Variants in MAGI1 observed in about 807,000 individuals in gnomAD.
The protein encoded by MAGI1 is membrane-associated guanylate kinase, WW and PDZ domain-containing protein 1.
In MAGI1, 58 loss-of-function variants were observed where a neutral mutation model predicts 139.9. The ratio of observed to expected loss-of-function variants is 0.41; its 90% confidence interval spans 0.34 to 0.52. MAGI1 has a LOEUF of 0.52. Ranked by LOEUF, MAGI1 falls within the 20% of genes least tolerant of loss-of-function variation. The pLI is 0.12. For missense variants in MAGI1, 1,874 were observed against 1,901.6 expected (o/e 0.99, Z 0.27); for synonymous variants, 812 against 737.9 (o/e 1.10, Z -1.63).
chr3:65,491,262 C>A (rs751271022), intron 3 of MAGI1, among the ~76,000 whole-genome samples: 62 of 152,290 alleles, frequency 4.1e-4, no homozygotes, highest in Non-Finnish European at 6.0e-4. Context: ...TTTAATACCA[C>A]TTGGCTTCAG....
chr3:65,817,212 T>C (rs1204372716), intron 1 of MAGI1, among the ~76,000 whole-genome samples: 1 of 152,160 alleles, frequency 6.6e-6, no homozygotes, highest in Non-Finnish European at 1.5e-5. Flanking sequence ...TTCCCCAAAA[T>C]TTTGATATAG....
chr3:65,504,095 C>A (rs1338475521), intron 2 of MAGI1, among the ~76,000 whole-genome samples: 1 of 152,160 alleles, frequency 6.6e-6, no homozygotes, highest in East Asian at 1.9e-4. Flanking sequence ...AACAGCAGCT[C>A]AAGGAGCTGA....
Position 66,038,150 on chromosome 3 carries a change from C to T in MAGI1, c.159G>A (p.Ala53=). 1 of 1,611,902 alleles carries T rather than the reference C, an allele frequency of 6.2e-7. No homozygotes were observed. Among genetic ancestry groups the T allele is most frequent in the South Asian group, 1.1e-5 (1 of 90,990 alleles). The part of the protein sequence containing the change: ...YVGAVAAVEA[A]GLPGGGEGPR... ...GGCCCTCGCCGCCGCCGGGAAGCCC[C>T]GCTGCCTCGACCGCCGCCACCGCTC... The change falls in exon 1 of 23, where the codon GCG becomes GCA. Residue 53 remains alanine, a synonymous_variant. Coordinates refer to ENST00000402939, the MANE Select transcript of MAGI1 (RefSeq NM_001033057.2).
At chr3:65,470,188 C>T in intron 5 of MAGI1, 95 bp downstream of exon 5, 1 of 783,606 alleles carries the variant, frequency 1.3e-6, no homozygotes, top group Non-Finnish European at 2.0e-6. Flanking sequence ...GTGATCAATC[C>T]CTTAAATGTA....
At chr3:65,852,942 T>C (rs2059253605) in intron 1 of MAGI1, among the ~76,000 whole-genome samples, 1 of 143,626 alleles carries the variant, frequency 7.0e-6, no homozygotes, top group Non-Finnish European at 1.5e-5. Context: ...GAGACCATCC[T>C]GGCTAACACG....
chr3:65,990,466 C>T (rs764876667), intron 1 of MAGI1, among the ~76,000 whole-genome samples: 5 of 152,218 alleles, frequency 3.3e-5, no homozygotes, highest in Admixed American at 2.0e-4. Context: ...GCCGAAGCTT[C>T]TAACACCAGA....
At chr3:65,790,171 C>T (rs564157095) in intron 1 of MAGI1, among the ~76,000 whole-genome samples, 34 of 152,156 alleles carry the variant, frequency 2.2e-4, no homozygotes, top group African/African-American at 7.0e-4. Flanking sequence ...CCCGATTTCA[C>T]GAAATAAACC....
chr3:65,764,209 T>C (rs1289260257), intron 1 of MAGI1, among the ~76,000 whole-genome samples: 2 of 152,004 alleles, frequency 1.3e-5, no homozygotes, highest in Non-Finnish European at 2.9e-5. Context: ...AAATTTCTAG[T>C]TCCACACCCA....
chr3:65,950,078 C>CAAAAAAAAAAAAAA (rs751496271), intron 1 of MAGI1, among the ~76,000 whole-genome samples: 7 of 40,326 alleles, frequency 1.7e-4, no homozygotes, highest in South Asian at 1.9e-3. Context: ...AAAAAAAAAA[C>CAAAAAAAAAAAAAA]AAAAAAAAAA....
intron 1 of MAGI1, among the ~76,000 whole-genome samples, chr3:65,899,428 A>G (rs558466081): frequency 9.3e-4 from 142 of 152,338 alleles, no homozygotes; most frequent in Non-Finnish European, 1.7e-3. Context: ...CAGACTTATC[A>G]AGAAATGAAA....
chr3:65,745,756 G>A (rs1289253042), intron 1 of MAGI1, among the ~76,000 whole-genome samples: 1 of 152,178 alleles, frequency 6.6e-6, no homozygotes, highest in African/African-American at 2.4e-5. Context: ...TTGAGGTAGA[G>A]TCTCGCTCTG....
chr3:65,405,881 C>T (rs1575631936), intron 12 of MAGI1, among the ~76,000 whole-genome samples: 1 of 136,132 alleles, frequency 7.3e-6, no homozygotes, highest in East Asian at 2.2e-4. Flanking sequence ...ATGCACGTCA[C>T]CACGCCTGGC....
At position 65,357,041 on chromosome 3, in the gene MAGI1, C is replaced by G; in HGVS notation, c.3726G>C (p.Leu1242Phe). Residue 1242 changes from leucine to phenylalanine, a missense_variant, in exon 23 of 23, where the codon TTG (leucine) becomes TTC (phenylalanine). Around this residue, in one of 5 missense-constraint regions of MAGI1, gnomAD observed 653 missense variants for 644.5 expected, o/e 1.01. Coordinates refer to ENST00000402939, the MANE Select transcript of MAGI1 (RefSeq NM_001033057.2). ...AGPDRRQHPS[L>F]ESSYPPDLHK... ...GAAGATCGGGTGGGTAACTGGACTC[C>G]AATGACGGATGCTGCCGGCGGTCGG... 3 of 1,614,014 alleles carry G rather than the reference C, an allele frequency of 1.9e-6. No homozygotes were observed. Among genetic ancestry groups the G allele is most frequent in the Non-Finnish European group, 1.7e-6 (2 of 1,179,992 alleles).
intron 1 of MAGI1, among the ~76,000 whole-genome samples, chr3:65,911,307 T>C (rs565443049): frequency 6.6e-6 from 1 of 152,050 alleles, no homozygotes; most frequent in Admixed American, 6.6e-5. Context: ...TCCATGGAAT[T>C]TGAATCTCAA....
chr3:65,469,172 T>C (rs1009583913), intron 5 of MAGI1, among the ~76,000 whole-genome samples: 8 of 152,142 alleles, frequency 5.3e-5, no homozygotes, highest in Admixed American at 2.6e-4. Context: ...AGAATAGATG[T>C]AGGATATGTG....
At chr3:65,868,999 G>A (rs1422221322) in intron 1 of MAGI1, among the ~76,000 whole-genome samples, 4 of 151,966 alleles carry the variant, frequency 2.6e-5, no homozygotes. Flanking sequence ...CGGGCGCGGT[G>A]GCTCACGCTT....
At chr3:65,480,393 C>G (rs537243740) in intron 3 of MAGI1, among the ~76,000 whole-genome samples, 1 of 151,872 alleles carries the variant, frequency 6.6e-6, no homozygotes, top group African/African-American at 2.4e-5. Context: ...ATTAGCCAGG[C>G]TTGGTGGTAC....
intron 1 of MAGI1, among the ~76,000 whole-genome samples, chr3:65,831,816 G>A (rs1021585492): frequency 3.3e-5 from 5 of 152,206 alleles, no homozygotes; most frequent in African/African-American, 9.7e-5. Flanking sequence ...AAAGGTGGCA[G>A]TCTTTACTAC....
At chr3:65,784,251 AACATGGAGTT>A (rs1450552347) in intron 1 of MAGI1, among the ~76,000 whole-genome samples, 1 of 152,226 alleles carries the variant, frequency 6.6e-6, no homozygotes, top group Non-Finnish European at 1.5e-5. Context: ...CAAAAAGCTA[AACATGGAGTT>A]ACCACATTCC....
Sources: gnomAD v4.1 joint callset for allele counts (sites outside exome capture counted in the v4.1 genomes callset) on GRCh38, gnomAD v4.1.1 for gene constraint, gnomAD v4.1.1 regional missense constraint, MANE v1.5 for transcripts, NCBI Gene and HGNC (gene_info 2026-07-23, HGNC 2026-07-21) for gene names.